DTNA: variants seen among roughly 807,000 people sequenced by gnomAD.
The protein encoded by DTNA is dystrophin-related protein 3.
A neutral mutation model predicts 100.7 loss-of-function variants in DTNA; 43 were observed. That is an observed-to-expected ratio of 0.43 (90% CI 0.33 to 0.55). The LOEUF (loss-of-function observed/expected upper bound fraction) is 0.55. Ranked by LOEUF, DTNA falls within the 20% of genes least tolerant of loss-of-function variation. The probability of loss-of-function intolerance (pLI) is 0.04; values close to 1 mark genes in which losing one functional copy is unlikely to be tolerated. For synonymous variants in DTNA, 349 were observed against 347.9 expected (o/e 1.00, Z -0.04); for missense variants, 798 against 953.9 (o/e 0.84, Z 2.15).
intron 1 of DTNA, among the ~76,000 whole-genome samples, chr18:34,701,220 C>T (rs2081320029): frequency 6.6e-6 from 1 of 152,170 alleles, no homozygotes; most frequent in South Asian, 2.1e-4. Flanking sequence ...AGGCTGACTC[C>T]ACTTCCTTGA....
intron 20 of DTNA, 144 bp from the exon 21 acceptor site, chr18:34,881,925 A>T: frequency 1.9e-6 from 2 of 1,062,852 alleles, no homozygotes; most frequent in Admixed American, 2.2e-5. Context: ...AGTTTTTTTT[A>T]GGTATTACTA....
intron 17 of DTNA, among the ~76,000 whole-genome samples, chr18:34,871,382 A>T (rs2096764165): frequency 6.6e-6 from 1 of 152,198 alleles, no homozygotes; most frequent in Non-Finnish European, 1.5e-5. Flanking sequence ...CCAGGAAGTG[A>T]GCTATTTTAA....
chr18:34,751,555 A>C (rs1362950414), intron 1 of DTNA, among the ~76,000 whole-genome samples: 1 of 152,216 alleles, frequency 6.6e-6, no homozygotes, highest in Non-Finnish European at 1.5e-5. Context: ...GCACCCAGCA[A>C]TACTGAGCAA....
intron 1 of DTNA, among the ~76,000 whole-genome samples, chr18:34,741,173 G>GTA (rs915736453): frequency 6.6e-6 from 1 of 152,176 alleles, no homozygotes; most frequent in African/African-American, 2.4e-5. Flanking sequence ...TTAGGTTAAT[G>GTA]TAATTCACTG....
chr18:34,732,672 A>G (rs2088577251), intron 1 of DTNA, among the ~76,000 whole-genome samples: 4 of 152,242 alleles, frequency 2.6e-5, no homozygotes, highest in African/African-American at 9.6e-5. Context: ...TATAATCCCA[A>G]GCAAAGAAAA....
At chr18:34,563,722 A>G (rs941747741) in intron 1 of DTNA, among the ~76,000 whole-genome samples, 4 of 152,170 alleles carry the variant, frequency 2.6e-5, no homozygotes, top group Non-Finnish European at 4.4e-5. Context: ...AAGGTGTACA[A>G]AGTGATATTA....
chr18:34,808,341 C>G (rs1243738964), intron 5 of DTNA, among the ~76,000 whole-genome samples: 1 of 152,176 alleles, frequency 6.6e-6, no homozygotes, highest in Non-Finnish European at 1.5e-5. Flanking sequence ...GTGGAGGTGA[C>G]AGTCACAGGA....
intron 10 of DTNA, among the ~76,000 whole-genome samples, chr18:34,828,087 G>T (rs746588580): frequency 2.6e-5 from 4 of 152,120 alleles, no homozygotes; most frequent in Admixed American, 2.0e-4. Context: ...AGATACAAAA[G>T]AATCCTTTGT....
chr18:34,679,734 A>G (rs1255226567), intron 1 of DTNA: 5 of 152,106 alleles, frequency 3.3e-5, no homozygotes, highest in Non-Finnish European at 7.4e-5. Flanking sequence ...AAATATTATC[A>G]ATGCCTTTCA....
chr18:34,741,035 A>G (rs1473027846), intron 1 of DTNA, among the ~76,000 whole-genome samples: 1 of 152,188 alleles, frequency 6.6e-6, no homozygotes, highest in African/African-American at 2.4e-5. Context: ...GAATTATAAT[A>G]CAAAAATTAA....
At chr18:34,817,217 T>A (rs1329196593) in intron 7 of DTNA, among the ~76,000 whole-genome samples, 1 of 152,234 alleles carries the variant, frequency 6.6e-6, no homozygotes, top group Non-Finnish European at 1.5e-5. Flanking sequence ...TGACACTTGT[T>A]TAGAAGACAA....
At chr18:34,775,941 T>C (rs996153485) in intron 3 of DTNA, among the ~76,000 whole-genome samples, 1 of 152,228 alleles carries the variant, frequency 6.6e-6, no homozygotes, top group African/African-American at 2.4e-5. Context: ...AGCATGGACC[T>C]GTGCTTTCTG....
intron 1 of DTNA, among the ~76,000 whole-genome samples, chr18:34,589,341 G>C (rs917280637): frequency 2.0e-5 from 3 of 152,144 alleles, no homozygotes; most frequent in African/African-American, 7.2e-5. Context: ...GTTTGTGTGT[G>C]TTAAGAGTAC....
intron 1 of DTNA, among the ~76,000 whole-genome samples, chr18:34,579,810 T>C (rs2048446560): frequency 6.6e-6 from 1 of 152,178 alleles, no homozygotes; most frequent in African/African-American, 2.4e-5. Flanking sequence ...TGAATTTTCT[T>C]GCTTGGGTTT....
chr18:34,768,753 G>T (rs992252837), intron 3 of DTNA, among the ~76,000 whole-genome samples: 6 of 152,148 alleles, frequency 3.9e-5, no homozygotes, highest in African/African-American at 1.4e-4. Flanking sequence ...ATGAGCTCCT[G>T]CTATGTGTTT....
intron 4 of DTNA, 28 bp from the exon 5 acceptor site, chr18:34,806,191 T>G (rs771219957): frequency 6.2e-7 from 1 of 1,603,072 alleles, no homozygotes; most frequent in Non-Finnish European, 8.5e-7. Flanking sequence ...GTTTTTGTTT[T>G]TGTTTTTTTT....
rs138035614 is a variant in DTNA at position 34,838,867 on chromosome 18, C to T, written c.1346+30C>T. ...GTGCAGGTTTGGCTGCTTGACTGTCCTTAGAGAGGGATACAGTCTGAGCTG... is the reference window on the plus strand; with the variant it reads ...GTGCAGGTTTGGCTGCTTGACTGTCTTTAGAGAGGGATACAGTCTGAGCTG... On this transcript the variant is annotated intron_variant, in intron 13 of 22. Transcript: ENST00000444659. 3 of 1,588,608 alleles carry T rather than the reference C, an allele frequency of 1.9e-6. No homozygotes were observed. In the Admixed American group the frequency reaches 5.0e-5, roughly 27 times the overall value.
chr18:34,813,248 C>G (rs79683498), intron 6 of DTNA, among the ~76,000 whole-genome samples: 5 of 150,400 alleles, frequency 3.3e-5, no homozygotes, highest in Non-Finnish European at 5.9e-5. Flanking sequence ...GGCCGAGGCT[C>G]AGGAGCTCAG....
intron 1 of DTNA, among the ~76,000 whole-genome samples, chr18:34,736,382 C>A (rs1006683197): frequency 6.6e-6 from 1 of 152,148 alleles, no homozygotes; most frequent in African/African-American, 2.4e-5. Context: ...TAAATCCGCT[C>A]ATGCAAAACA....
Sources: allele counts gnomAD v4.1 joint callset (sites outside exome capture counted in the v4.1 genomes callset), GRCh38; gene constraint gnomAD v4.1.1; transcripts MANE v1.5; gene names NCBI Gene and HGNC (gene_info 2026-07-23, HGNC 2026-07-21).